The following CLEC4A variants were observed in gnomAD, a reference collection of about 807,000 sequenced individuals.
The protein encoded by CLEC4A is C-type (calcium dependent, carbohydrate-recognition domain) lectin, superfamily member 6.
In CLEC4A, 27 loss-of-function variants were observed where a neutral mutation model predicts 32.7. The ratio of observed to expected loss-of-function variants is 0.83; its 90% CI spans 0.61 to 1.14. CLEC4A has a LOEUF of 1.14. Among genes scored for constraint, CLEC4A ranks in the 50% most tolerant of loss-of-function variants. CLEC4A has a pLI of 0.00. For synonymous variants in CLEC4A, 89 were observed against 93.7 expected, an observed-to-expected ratio of 0.95 and a Z score of 0.29; for missense variants, 253 against 274.6, an observed-to-expected ratio of 0.92 and a Z score of 0.55.
intron 2 of CLEC4A, among the ~76,000 whole-genome samples, chr12:8,127,183 C>T (rs765533074): frequency 6.6e-6 from 1 of 152,308 alleles, no homozygotes; most frequent in Non-Finnish European, 1.5e-5. Flanking sequence ...AACTTAGCTT[C>T]TGAGGAACAG....
At chr12:8,107,258 G>GCTACTGGA in the CLEC4A span, among the ~76,000 whole-genome samples, 2 of 152,092 alleles carry the variant, frequency 1.3e-5, no homozygotes, top group Non-Finnish European at 2.9e-5. Flanking sequence ...TTTTTGATGT[G>GCTACTGGA]CTACTGGATT....
rs750356261 is a variant in CLEC4A, at chr12:8,125,609, A to T, written c.131A>T (p.Lys44Met). ...CACAAAAGTAATACCGGATTCCCCA[A>T]GCTGCTTTGTGCCTCACTGTTGATA... is the stretch of plus-strand genomic sequence containing the variant. ...APHKSNTGFP[K>M]LLCASLLIFF... Residue 44 changes from lysine to methionine, a missense_variant, in exon 2 of 6, where the codon AAG (lysine) becomes ATG (methionine). Transcript: ENST00000229332. 8 of 1,613,684 alleles carry T rather than the reference A, an allele frequency of 5.0e-6. No homozygotes were observed. The highest frequency in any genetic ancestry group is 6.8e-6 in the Non-Finnish European group (8 of 1,179,606).
intron 3 of CLEC4A, chr12:8,134,990 T>G (rs1350058983): frequency 8.4e-5 from 23 of 274,198 alleles, no homozygotes; most frequent in Admixed American, 1.3e-4. Flanking sequence ...TTTTTTGTTT[T>G]TTTTTAATCA....
chr12:8,108,776 T>C, the CLEC4A span, among the ~76,000 whole-genome samples: 3 of 152,222 alleles, frequency 2.0e-5, no homozygotes, highest in South Asian at 2.1e-4. Flanking sequence ...TAATTGTCCA[T>C]TGTGACTTCA....
At position 8,123,742 on chromosome 12, in the gene CLEC4A, A is replaced by G. The variant is rs751175523; in HGVS notation, c.-137A>G. The G allele has an allele frequency of 3.5e-5, 22 of 636,600 alleles. No homozygotes were observed. The South Asian group carries it at 3.7e-4, about 11-fold the overall frequency. 39.4% of individuals were successfully genotyped at this position (636,600 alleles called of 1,614,324 possible). Reference sequence around the variant, plus strand: ...AGACCCCTCTTGAGGATATGTGCCTATCTGGTGCCTCTGCTCTCCACTAGT... The same window carrying G: ...AGACCCCTCTTGAGGATATGTGCCTGTCTGGTGCCTCTGCTCTCCACTAGT... On this transcript the variant is annotated 5_prime_UTR_variant, in exon 1 of 6. Transcript: ENST00000229332.
At chr12:8,133,064 G>A (rs1054882887) in intron 3 of CLEC4A, among the ~76,000 whole-genome samples, 13 of 152,206 alleles carry the variant, frequency 8.5e-5, no homozygotes, top group African/African-American at 2.4e-4. Flanking sequence ...ACAGGTGTGC[G>A]CCACCATGCC....
chr12:8,112,438 C>G, the CLEC4A span, among the ~76,000 whole-genome samples: 1 of 152,150 alleles, frequency 6.6e-6, no homozygotes, highest in Non-Finnish European at 1.5e-5. Flanking sequence ...AATTCATATA[C>G]TTAATATAAA....
intron 2 of CLEC4A, among the ~76,000 whole-genome samples, chr12:8,128,019 T>C (rs1433153100): frequency 6.6e-6 from 1 of 152,116 alleles, no homozygotes; most frequent in African/African-American, 2.4e-5. Context: ...TGGAAGTCCT[T>C]CACATAGAGG....
chr12:8,111,923 ATG>A, the CLEC4A span, among the ~76,000 whole-genome samples: 9,771 of 110,876 alleles, frequency 0.088, 1,028 homozygotes, highest in African/African-American at 0.27. Context: ...GAGTGTGTAT[ATG>A]TGTGTGTGTG....
chr12:8,121,760 G>A (rs1020070846), upstream of CLEC4A: 2 of 153,466 alleles, frequency 1.3e-5, no homozygotes, highest in African/African-American at 4.8e-5. Flanking sequence ...AGGCATCTAT[G>A]TGGTGGGATA....
At chr12:8,116,315 T>C in the CLEC4A span, among the ~76,000 whole-genome samples, 1 of 152,174 alleles carries the variant, frequency 6.6e-6, no homozygotes, top group African/African-American at 2.4e-5. Context: ...TTGCCCAGGC[T>C]GGTCTCAAAG....
chr12:8,129,514 T>A, intron 3 of CLEC4A, 152 bp downstream of exon 3: 1 of 648,872 alleles, frequency 1.5e-6, no homozygotes, highest in Non-Finnish European at 2.7e-6. Flanking sequence ...TAGGACATGC[T>A]GGGCATGGTG....
chr12:8,111,793 A>C, the CLEC4A span, among the ~76,000 whole-genome samples: 11 of 152,072 alleles, frequency 7.2e-5, no homozygotes, highest in Non-Finnish European at 1.3e-4. Flanking sequence ...CTTAAATGAA[A>C]AATTTAAAGG....
In CLEC4A at chr12:8,138,076, CT is replaced by C. The variant is rs11366651; in HGVS notation, c.567-63del. ...GAAATTCATCCCTCGCTCCTCACCC[CT>C]GTCTCTAACCCTTTTCAAAGCTCTG... On this transcript the variant is annotated intron_variant, in intron 5 of 5. Transcript: ENST00000229332. 5.4e-3 allele frequency: 8,315 copies of C among 1,543,688 alleles called. 360 individuals carry two copies. The African/African-American group carries it at 0.096, about 18-fold the overall frequency.
chr12:8,127,228 C>G (rs73065320), intron 2 of CLEC4A, among the ~76,000 whole-genome samples: 3 of 152,174 alleles, frequency 2.0e-5, no homozygotes, highest in African/African-American at 7.2e-5. Context: ...GATTTGGCCA[C>G]GTTTCTCTTA....
the CLEC4A span, among the ~76,000 whole-genome samples, chr12:8,103,932 G>C: frequency 6.6e-6 from 1 of 152,134 alleles, no homozygotes; most frequent in Non-Finnish European, 1.5e-5. Context: ...TAAGCTCTTT[G>C]AATATAAAGA....
At chr12:8,134,489 G>A (rs753197499) in intron 3 of CLEC4A, 4 of 1,613,904 alleles carry the variant, frequency 2.5e-6, no homozygotes, top group East Asian at 2.2e-5. Flanking sequence ...CCAGCTTCAC[G>A]GCACCAGAGG....
intron 4 of CLEC4A, 43 bp from the exon 5 acceptor site, chr12:8,136,745 C>T: frequency 8.1e-7 from 1 of 1,235,694 alleles, no homozygotes; most frequent in Non-Finnish European, 1.2e-6. Context: ...TCAGTTTAAG[C>T]TGAATACTGT....
chr12:8,125,071 T>C (rs151275006), intron 1 of CLEC4A, among the ~76,000 whole-genome samples: 37 of 152,284 alleles, frequency 2.4e-4, no homozygotes, highest in African/African-American at 8.7e-4. Context: ...TATAAAGATT[T>C]ATTTGCTATA....
Sources: allele counts gnomAD v4.1 joint callset (sites outside exome capture counted in the v4.1 genomes callset), GRCh38; gene constraint gnomAD v4.1.1; transcripts MANE v1.5; gene names NCBI Gene and HGNC (gene_info 2026-07-23, HGNC 2026-07-21).